Variants in RC3H2 observed in about 807,000 individuals in gnomAD.
RC3H2 encodes the protein roquin-2.
RC3H2 carries 31 observed loss-of-function variants against 133.3 expected under a neutral mutation model. The observed-to-expected ratio is 0.23, with a 90% CI of 0.17 to 0.31. The LOEUF (loss-of-function observed/expected upper bound fraction) is 0.31, where lower values mean the gene tolerates loss of function less well. Among genes scored for constraint, RC3H2 ranks in the 10% least tolerant of loss-of-function variants. The pLI, the probability that RC3H2 is intolerant of heterozygous loss-of-function variation, is 1.00. For synonymous variants in RC3H2, 517 were observed against 502.2 expected, an observed-to-expected ratio of 1.03 and a Z score of -0.40; for missense variants, 1,175 against 1,437.2, an observed-to-expected ratio of 0.82 and a Z score of 2.95.
At chr9:122,881,736 T>C (rs1234845845) in intron 5 of RC3H2, among the ~76,000 whole-genome samples, 3 of 152,216 alleles carry the variant, frequency 2.0e-5, no homozygotes, top group Non-Finnish European at 4.4e-5. Flanking sequence ...CTAGGCTCGC[T>C]GTAGCCTTGA....
chr9:122,903,534 G>T (rs375958717), intron 1 of RC3H2, among the ~76,000 whole-genome samples: 4 of 152,182 alleles, frequency 2.6e-5, no homozygotes, highest in Middle Eastern at 3.2e-3. Context: ...AACAAAGGAC[G>T]TAAGTCTTCT....
At chr9:122,900,962 T>G (rs1174350063) in intron 1 of RC3H2, among the ~76,000 whole-genome samples, 2 of 152,224 alleles carry the variant, frequency 1.3e-5, no homozygotes. Context: ...CTATGAGTGC[T>G]GACACATAAA....
At chr9:122,898,610 G>A (rs937837824) in intron 1 of RC3H2, among the ~76,000 whole-genome samples, 5 of 152,062 alleles carry the variant, frequency 3.3e-5, no homozygotes, top group Admixed American at 6.6e-5. Context: ...TTAGCCAGAC[G>A]TGGTGGCACA....
chr9:122,853,861 C>A (rs751307123), intron 18 of RC3H2, 91 bp downstream of exon 18: 4 of 1,611,516 alleles, frequency 2.5e-6, no homozygotes, highest in Non-Finnish European at 1.7e-6. Flanking sequence ...GAGATAGGCA[C>A]ACCAAAATGC....
At chr9:122,902,557 A>G (rs983352166) in intron 1 of RC3H2, among the ~76,000 whole-genome samples, 1 of 152,146 alleles carries the variant, frequency 6.6e-6, no homozygotes, top group Non-Finnish European at 1.5e-5. Flanking sequence ...AAAAAAGGTT[A>G]AAAGAGGCTA....
At chr9:122,865,090 G>C (rs1014565355) in intron 10 of RC3H2, among the ~76,000 whole-genome samples, 2 of 151,998 alleles carry the variant, frequency 1.3e-5, no homozygotes, top group African/African-American at 2.4e-5. Flanking sequence ...AAACAATTCT[G>C]GTCCAGTCTC....
chr9:122,856,643 C>A (rs1448369367), intron 13 of RC3H2, among the ~76,000 whole-genome samples: 1 of 152,016 alleles, frequency 6.6e-6, no homozygotes, highest in Non-Finnish European at 1.5e-5. Context: ...AAAAGGAATT[C>A]AAAGGAGGCT....
chr9:122,893,154 T>C (rs1832260649), intron 2 of RC3H2, 128 bp from the exon 3 acceptor site: 2 of 1,278,522 alleles, frequency 1.6e-6, no homozygotes, highest in Non-Finnish European at 1.0e-6. Context: ...ATGAAAGCCA[T>C]TTAAGTAAAA....
chr9:122,893,125 T>C, intron 2 of RC3H2, 99 bp from the exon 3 acceptor site: 1 of 1,433,834 alleles, frequency 7.0e-7, no homozygotes, highest in Non-Finnish European at 9.3e-7. Flanking sequence ...AGTATAAAAT[T>C]ATCATGCATA....
At chr9:122,862,870 G>A (rs974264657) in intron 10 of RC3H2, among the ~76,000 whole-genome samples, 1 of 148,822 alleles carries the variant, frequency 6.7e-6, no homozygotes, top group Non-Finnish European at 1.5e-5. Flanking sequence ...ACTCCACCTG[G>A]GTGACAGAGA....
chr9:122,854,572 T>G lies in RC3H2; in HGVS notation c.2859A>C (p.Ser953=). Reference sequence around the variant, plus strand: ...CTGATGATGTGGCCTCGTTGCCATATGAACTCCACCTTGAATCAACAGCAT... The same window carrying G: ...CTGATGATGTGGCCTCGTTGCCATAGGAACTCCACCTTGAATCAACAGCAT... ...YVNAVDSRWS[S]YGNEATSSAH... is the part of the protein sequence containing the mutation. The change falls in exon 16 of 21, where the codon TCA becomes TCC. Residue 953 remains serine, a synonymous_variant. Coordinates refer to ENST00000357244, the MANE Select transcript of RC3H2 (RefSeq NM_001100588.3). 6.2e-7 allele frequency: 1 copy of G among 1,613,744 alleles called. No individual in the cohort carries two copies. The highest frequency in any genetic ancestry group is 8.5e-7 in the Non-Finnish European group (1 of 1,179,642).
intron 3 of RC3H2, 136 bp downstream of exon 3, chr9:122,892,773 C>T: frequency 1.6e-6 from 1 of 632,816 alleles, no homozygotes; most frequent in South Asian, 2.2e-5. Context: ...ATAATTTTCT[C>T]AGTCTATACA....
intron 3 of RC3H2, 24 bp from the exon 4 acceptor site, chr9:122,890,569 G>T: frequency 6.5e-7 from 1 of 1,546,134 alleles, no homozygotes; most frequent in Non-Finnish European, 8.8e-7. Context: ...GAAACAAAGG[G>T]AGCTAAAGTT....
In RC3H2 at chr9:122,855,332, T is replaced by G; in HGVS notation, c.2667A>C (p.Glu889Asp). 3.1e-6 allele frequency: 5 copies of G among 1,614,170 alleles called. No homozygotes were observed. The highest frequency in any genetic ancestry group is 4.2e-6 in the Non-Finnish European group (5 of 1,180,038). ...HLFETQRRTKEEDPIIPFSDG... is the reference protein window; with the variant it reads ...HLFETQRRTKDEDPIIPFSDG... ...CACTAAAGGGAATTATTGGATCTTCTTCTTTTGTCCTTCTCTGGGTTTCAA... is the reference window on the plus strand; with the variant it reads ...CACTAAAGGGAATTATTGGATCTTCGTCTTTTGTCCTTCTCTGGGTTTCAA... The change falls in exon 15 of 21, where the codon GAA becomes GAC. Residue 889 changes from glutamate (E) to aspartate (D), a missense_variant. Physicochemically the swap from Glu to Asp is conservative, Grantham distance 45. Coordinates refer to ENST00000357244, the MANE Select transcript of RC3H2 (RefSeq NM_001100588.3).
At chr9:122,887,094 A>C (rs927084936) in intron 4 of RC3H2, among the ~76,000 whole-genome samples, 1 of 152,218 alleles carries the variant, frequency 6.6e-6, no homozygotes, top group Admixed American at 6.5e-5. Context: ...AAATTTCCCC[A>C]GTAACCTCTC....
At chr9:122,899,754 T>C (rs186982156) in intron 1 of RC3H2, among the ~76,000 whole-genome samples, 12 of 152,340 alleles carry the variant, frequency 7.9e-5, no homozygotes, top group Admixed American at 5.9e-4. Flanking sequence ...ATGAATTTCA[T>C]CTTAAATCTA....
At position 122,905,312 on chromosome 9, in the gene RC3H2, GCCTCCT is replaced by G. The variant is rs796650577; in HGVS notation, c.-276_-271del. On this transcript the variant is annotated 5_prime_UTR_variant, in exon 1 of 21. Transcript: ENST00000357244. ...GCCTCCTCCTCCTCCCTCCACCTCCGCCTCCTCCTCCTCCTCCTCCTCACCACGGAG... is the reference window on the plus strand; with the variant it reads ...GCCTCCTCCTCCTCCCTCCACCTCCGCCTCCTCCTCCTCCTCACCACGGAG... 9.0e-5 allele frequency: 88 copies of G among 979,490 alleles called. No homozygotes were observed. The highest frequency in any genetic ancestry group is 7.4e-4 in the Admixed American group (12 of 16,252). 60.7% of individuals were successfully genotyped at this position (979,490 alleles called of 1,614,324 possible).
intron 1 of RC3H2, among the ~76,000 whole-genome samples, chr9:122,900,360 CTT>C (rs1832609028): frequency 6.6e-6 from 1 of 152,074 alleles, no homozygotes; most frequent in South Asian, 2.1e-4. Context: ...GTAAGAAACG[CTT>C]TGATTTTCCA....
In RC3H2 at chr9:122,879,219, A is replaced by T. The variant is rs1323132240; in HGVS notation, c.1212+536T>A. Among the ~76,000 whole-genome samples the T allele has an allele frequency of 2.6e-5, 4 of 151,716 alleles. No individual in the cohort carries two copies. In the East Asian group the frequency reaches 7.9e-4, roughly 30 times the overall value. ...GAGACCAGCCTGGCCAACATGGTAA[A>T]ACCCTCTCTACAAAAAATACAAAAA... On this transcript the variant is annotated intron_variant, in intron 8 of 20. Coordinates refer to ENST00000357244, the MANE Select transcript of RC3H2 (RefSeq NM_001100588.3).
Sources: gnomAD v4.1 joint callset for allele counts (sites outside exome capture counted in the v4.1 genomes callset) on GRCh38, gnomAD v4.1.1 for gene constraint, MANE v1.5 for transcripts, NCBI Gene and HGNC (gene_info 2026-07-23, HGNC 2026-07-21) for gene names.